Variants in GRIK2 observed in about 807,000 individuals in gnomAD.
The protein encoded by GRIK2 is glutamate ionotropic receptor kainate type subunit 2, also known as glutamate receptor ionotropic, kainate 2.
Under a neutral mutation model 100.3 loss-of-function variants are expected in GRIK2, and 32 were observed. The observed-to-expected ratio is 0.32, with a 90% CI of 0.24 to 0.43. The LOEUF is 0.43. Ranked by LOEUF, GRIK2 falls within the 20% of genes least tolerant of loss-of-function variation. The pLI is 1.00. For synonymous variants in GRIK2, 417 were observed against 389.4 expected, an observed-to-expected ratio of 1.07 and a Z score of -0.83; for missense variants, 843 against 1,114.9, an observed-to-expected ratio of 0.76 and a Z score of 3.47.
chr6:101,704,918 T>A (rs1773149681), intron 7 of GRIK2, among the ~76,000 whole-genome samples: 1 of 148,714 alleles, frequency 6.7e-6, no homozygotes, highest in Admixed American at 6.8e-5. Flanking sequence ...TAAATTGGCC[T>A]TTATTTTTTA....
chr6:101,774,050 C>A (rs958652666), intron 7 of GRIK2, among the ~76,000 whole-genome samples: 1 of 151,928 alleles, frequency 6.6e-6, no homozygotes, highest in South Asian at 2.1e-4. Flanking sequence ...CTTTTTAAGT[C>A]TTTTTCAAAT....
chr6:101,510,513 T>G (rs1305382205), intron 2 of GRIK2, among the ~76,000 whole-genome samples: 1 of 24,316 alleles, frequency 4.1e-5, no homozygotes, highest in Non-Finnish European at 6.9e-5. Flanking sequence ...TTGGGGAGTT[T>G]TTTTTTTTTT....
intron 2 of GRIK2, among the ~76,000 whole-genome samples, chr6:101,616,480 T>C (rs1779900331): frequency 6.6e-6 from 1 of 151,788 alleles, no homozygotes; most frequent in Non-Finnish European, 1.5e-5. Context: ...AAATACCTTC[T>C]ATAGAATAAT....
At chr6:101,739,367 C>T (rs1775880893) in intron 7 of GRIK2, among the ~76,000 whole-genome samples, 1 of 152,092 alleles carries the variant, frequency 6.6e-6, no homozygotes, top group Non-Finnish European at 1.5e-5. Flanking sequence ...TATAGCTGGT[C>T]TGCCATTTTT....
chr6:101,418,909 C>T (rs889386929), intron 2 of GRIK2, among the ~76,000 whole-genome samples: 7 of 152,036 alleles, frequency 4.6e-5, no homozygotes, highest in Non-Finnish European at 7.4e-5. Context: ...TATGACATGG[C>T]GAGAGGATGG....
At chr6:101,762,510 C>T (rs560321568) in intron 7 of GRIK2, among the ~76,000 whole-genome samples, 16 of 152,198 alleles carry the variant, frequency 1.1e-4, no homozygotes, top group African/African-American at 3.1e-4. Context: ...AGGGATTACA[C>T]GTGTGAGCCA....
intron 7 of GRIK2, among the ~76,000 whole-genome samples, chr6:101,759,597 T>A (rs1053540424): frequency 1.3e-5 from 2 of 152,088 alleles, no homozygotes; most frequent in Non-Finnish European, 2.9e-5. Flanking sequence ...GGCTGTTAAG[T>A]GCAGAACAGA....
intron 3 of GRIK2, among the ~76,000 whole-genome samples, 168 bp downstream of exon 3, chr6:101,622,284 A>T (rs1259539531): frequency 1.3e-5 from 2 of 152,164 alleles, no homozygotes; most frequent in African/African-American, 4.8e-5. Flanking sequence ...GATAAAGTAT[A>T]ATTCCTCTTG....
At chr6:101,687,635 C>T (rs1771790228) in intron 7 of GRIK2, among the ~76,000 whole-genome samples, 1 of 151,710 alleles carries the variant, frequency 6.6e-6, no homozygotes, top group Non-Finnish European at 1.5e-5. Context: ...AATGGTTAGC[C>T]TAAAGGCATC....
At chr6:101,897,073 C>T (rs937679545) in intron 12 of GRIK2, among the ~76,000 whole-genome samples, 5 of 151,084 alleles carry the variant, frequency 3.3e-5, no homozygotes, top group Admixed American at 6.6e-5. Context: ...GAGCAGCACA[C>T]GTATAAAAAA....
intron 2 of GRIK2, among the ~76,000 whole-genome samples, chr6:101,476,529 A>G (rs991753542): frequency 9.9e-5 from 15 of 152,084 alleles, no homozygotes; most frequent in African/African-American, 3.4e-4. Flanking sequence ...TAAGTGTATG[A>G]TTTTAGGTTT....
intron 2 of GRIK2, among the ~76,000 whole-genome samples, chr6:101,514,949 T>A (rs1031488995): frequency 6.6e-6 from 1 of 152,110 alleles, no homozygotes; most frequent in Non-Finnish European, 1.5e-5. Flanking sequence ...CTTGGTTACA[T>A]GAGTAAGTTT....
chr6:101,796,215 C>G (rs1016724960), intron 7 of GRIK2, among the ~76,000 whole-genome samples: 12 of 152,048 alleles, frequency 7.9e-5, no homozygotes, highest in Non-Finnish European at 1.5e-4. Context: ...TTGACACATA[C>G]TTGATGGGAT....
chr6:101,760,644 A>AGGTTTAATTATG (rs1777545658), intron 7 of GRIK2, among the ~76,000 whole-genome samples: 1 of 117,394 alleles, frequency 8.5e-6, no homozygotes, highest in Admixed American at 1.1e-4. Flanking sequence ...ATATAATTAT[A>AGGTTTAATTATG]TATAATTATA....
At chr6:101,710,952 C>T (rs1773654426) in intron 7 of GRIK2, among the ~76,000 whole-genome samples, 1 of 151,712 alleles carries the variant, frequency 6.6e-6, no homozygotes, top group African/African-American at 2.4e-5. Flanking sequence ...GACTTTGGCA[C>T]CTATCTGCAG....
chr6:101,660,325 G>T (rs1769519606), intron 4 of GRIK2, among the ~76,000 whole-genome samples: 2 of 151,998 alleles, frequency 1.3e-5, no homozygotes, highest in African/African-American at 4.8e-5. Flanking sequence ...GCTCCATCAG[G>T]TCATTTATGT....
At chr6:101,700,475 G>A (rs1031609879) in intron 7 of GRIK2, among the ~76,000 whole-genome samples, 2 of 152,010 alleles carry the variant, frequency 1.3e-5, no homozygotes, top group African/African-American at 2.4e-5. Flanking sequence ...TAGAACAGGA[G>A]AGTGCAATAA....
At chr6:101,910,770 A>G (rs1191262173) in intron 12 of GRIK2, among the ~76,000 whole-genome samples, 2 of 151,222 alleles carry the variant, frequency 1.3e-5, no homozygotes, top group African/African-American at 2.4e-5. Context: ...AGAATGCCAT[A>G]GAAATTACAG....
Position 101,759,943 on chromosome 6 carries a change from G to A in GRIK2, c.952-39705G>A, listed in dbSNP as rs974662845. ...AGGCCGGACTGCGGACTGCAGTGGCGCAATCTCGGCTCACTTCCCGGGTTC... is the reference window on the plus strand; with the variant it reads ...AGGCCGGACTGCGGACTGCAGTGGCACAATCTCGGCTCACTTCCCGGGTTC... On this transcript the variant is annotated intron_variant, in intron 7 of 16. Transcript: ENST00000369134. Among the ~76,000 whole-genome samples the A allele has an allele frequency of 3.2e-5, 4 of 126,282 alleles. 2 individuals carry two copies. The highest frequency in any genetic ancestry group is 1.6e-4 in the African/African-American group (4 of 25,532). 82.8% of individuals were successfully genotyped at this position (126,282 alleles called of 152,430 possible).
Sources: allele counts gnomAD v4.1 joint callset (sites outside exome capture counted in the v4.1 genomes callset), GRCh38; gene constraint gnomAD v4.1.1; transcripts MANE v1.5; gene names NCBI Gene and HGNC (gene_info 2026-07-23, HGNC 2026-07-21).